TMEM132D: variants seen among roughly 807,000 people sequenced by gnomAD.
The protein encoded by TMEM132D is mature OL transmembrane protein.
TMEM132D carries 21 observed loss-of-function variants against 62.3 expected under a neutral mutation model. The ratio of observed to expected loss-of-function variants is 0.34; its 90% CI spans 0.24 to 0.49. The LOEUF (loss-of-function observed/expected upper bound fraction) is 0.49. Ranked by LOEUF, TMEM132D falls within the 20% of genes least tolerant of loss-of-function variation. TMEM132D has a pLI of 0.99. For synonymous variants in TMEM132D, 621 were observed against 575.6 expected (o/e 1.08, Z -1.13); for missense variants, 1,346 against 1,402.8 (o/e 0.96, Z 0.65).
chr12:129,685,208 G>A (rs77048928), intron 2 of TMEM132D, among the ~76,000 whole-genome samples: 3,317 of 152,244 alleles, frequency 0.022, 167 homozygotes, highest in South Asian at 0.12. Context: ...GGGAAAAAAT[G>A]TCTCCATGTC....
chr12:129,111,825 G>T (rs918674262), intron 5 of TMEM132D, among the ~76,000 whole-genome samples: 5 of 152,070 alleles, frequency 3.3e-5, no homozygotes, highest in Non-Finnish European at 7.4e-5. Context: ...TGTCCAAAAC[G>T]TGCATTTCGA....
intron 3 of TMEM132D, among the ~76,000 whole-genome samples, chr12:129,517,046 T>C (rs1457982069): frequency 6.6e-6 from 1 of 152,206 alleles, no homozygotes; most frequent in African/African-American, 2.4e-5. Flanking sequence ...TAGTCTCATC[T>C]GGAGGTTCTC....
chr12:129,216,138 G>T (rs1280279038), intron 4 of TMEM132D, among the ~76,000 whole-genome samples: 2 of 152,150 alleles, frequency 1.3e-5, no homozygotes, highest in African/African-American at 2.4e-5. Context: ...AACTCTTCGT[G>T]CCTAATTCTC....
chr12:129,484,211 C>T (rs1874513387), intron 3 of TMEM132D, among the ~76,000 whole-genome samples: 1 of 152,138 alleles, frequency 6.6e-6, no homozygotes, highest in African/African-American at 2.4e-5. Context: ...CTCAGATGAT[C>T]TGCCTGCCTT....
intron 4 of TMEM132D, among the ~76,000 whole-genome samples, chr12:129,289,939 C>A (rs1459682224): frequency 6.6e-6 from 1 of 152,044 alleles, no homozygotes; most frequent in Non-Finnish European, 1.5e-5. Context: ...ACGCAGCCAC[C>A]CTGCACAATG....
intron 4 of TMEM132D, among the ~76,000 whole-genome samples, chr12:129,274,200 T>C (rs1880940149): frequency 1.3e-5 from 2 of 152,018 alleles, no homozygotes; most frequent in Middle Eastern, 3.4e-3. Flanking sequence ...TGTGTCTCCA[T>C]CCAACAAGGG....
intron 1 of TMEM132D, among the ~76,000 whole-genome samples, chr12:129,741,930 T>A (rs1311744491): frequency 6.6e-6 from 1 of 152,216 alleles, no homozygotes; most frequent in East Asian, 1.9e-4. Context: ...CCTGAGAGAC[T>A]TTTTAGGGAA....
At chr12:129,452,199 G>A (rs1464581789) in intron 3 of TMEM132D, among the ~76,000 whole-genome samples, 1 of 152,218 alleles carries the variant, frequency 6.6e-6, no homozygotes, top group Non-Finnish European at 1.5e-5. Context: ...GATTTTGCCT[G>A]AGAAAAGGGC....
intron 5 of TMEM132D, among the ~76,000 whole-genome samples, chr12:129,122,486 G>A (rs557507725): frequency 6.6e-6 from 1 of 152,270 alleles, no homozygotes; most frequent in South Asian, 2.1e-4. Flanking sequence ...GGAGGGACTC[G>A]CCTGATTTAT....
At chr12:129,194,105 T>C (rs1005615445) in intron 5 of TMEM132D, among the ~76,000 whole-genome samples, 1 of 152,232 alleles carries the variant, frequency 6.6e-6, no homozygotes, top group African/African-American at 2.4e-5. Flanking sequence ...GAACCCTTGG[T>C]CCATGGCTCC....
intron 3 of TMEM132D, among the ~76,000 whole-genome samples, chr12:129,400,542 T>A (rs1871591063): frequency 1.3e-5 from 2 of 152,158 alleles, no homozygotes; most frequent in South Asian, 4.1e-4. Context: ...TTCTCTCCTC[T>A]GGACATCCCT....
intron 4 of TMEM132D, among the ~76,000 whole-genome samples, chr12:129,233,555 T>C (rs1448774495): frequency 6.6e-6 from 1 of 152,220 alleles, no homozygotes. Context: ...ATTATGTCAA[T>C]GTAACATGGA....
At chr12:129,118,158 G>A (rs1265566072) in intron 5 of TMEM132D, among the ~76,000 whole-genome samples, 1 of 152,170 alleles carries the variant, frequency 6.6e-6, no homozygotes, top group Non-Finnish European at 1.5e-5. Flanking sequence ...CAGAAATATT[G>A]CAAAATTCTT....
At chr12:129,384,069 A>G (rs912371202) in intron 3 of TMEM132D, among the ~76,000 whole-genome samples, 1 of 152,236 alleles carries the variant, frequency 6.6e-6, no homozygotes, top group South Asian at 2.1e-4. Flanking sequence ...CATCGTAAAA[A>G]AAGATCTGAG....
At chr12:129,744,138 C>T (rs1229133185) in intron 1 of TMEM132D, among the ~76,000 whole-genome samples, 3 of 152,194 alleles carry the variant, frequency 2.0e-5, no homozygotes, top group Non-Finnish European at 2.9e-5. Flanking sequence ...AATAGGGTGA[C>T]AGCAGCTCCT....
intron 3 of TMEM132D, among the ~76,000 whole-genome samples, chr12:129,436,585 C>A (rs1362895557): frequency 6.6e-6 from 1 of 152,100 alleles, no homozygotes; most frequent in Non-Finnish European, 1.5e-5. Flanking sequence ...GAGGGGACTT[C>A]TGAGTGGTAT....
intron 2 of TMEM132D, among the ~76,000 whole-genome samples, chr12:129,686,793 T>A (rs945093208): frequency 6.6e-6 from 1 of 152,174 alleles, no homozygotes; most frequent in Admixed American, 6.5e-5. Context: ...TTCCTACATT[T>A]CTTGGATGTT....
intron 1 of TMEM132D, among the ~76,000 whole-genome samples, chr12:129,861,088 C>T (rs1012623085): frequency 6.6e-6 from 1 of 152,158 alleles, no homozygotes; most frequent in Non-Finnish European, 1.5e-5. Flanking sequence ...TTTTGAAACG[C>T]TTTCTGAAAA....
intron 4 of TMEM132D, among the ~76,000 whole-genome samples, chr12:129,240,710 C>T (rs149503210): frequency 5.3e-5 from 8 of 152,320 alleles, no homozygotes; most frequent in Admixed American, 2.6e-4. Flanking sequence ...GGCGCTGGAA[C>T]GTGTTCATAC....
Sources: allele counts gnomAD v4.1 joint callset (sites outside exome capture counted in the v4.1 genomes callset), GRCh38; gene constraint gnomAD v4.1.1; transcripts MANE v1.5; gene names NCBI Gene and HGNC (gene_info 2026-07-23, HGNC 2026-07-21).